Variants in PCDHGA6 observed in about 807,000 individuals in gnomAD.
PCDHGA6 encodes protocadherin gamma-A6.
PCDHGA6 carries 41 observed loss-of-function variants against 60.6 expected under a neutral mutation model. The ratio of observed to expected loss-of-function variants is 0.68; its 90% CI spans 0.53 to 0.88. The LOEUF (loss-of-function observed/expected upper bound fraction) is 0.88. Ranked by LOEUF, PCDHGA6 falls within the 40% of genes least tolerant of loss-of-function variation. The probability of loss-of-function intolerance (pLI) is 0.00; values close to 1 mark genes in which losing one functional copy is unlikely to be tolerated. For synonymous variants in PCDHGA6, 594 were observed against 524.4 expected, an observed-to-expected ratio of 1.13 and a Z score of -1.81; for missense variants, 1,312 against 1,203.0, an observed-to-expected ratio of 1.09 and a Z score of -1.34.
chr5:141,406,375 T>C (rs1427638211), intron 1 of PCDHGA6, among the ~76,000 whole-genome samples: 1 of 152,186 alleles, frequency 6.6e-6, no homozygotes, highest in Non-Finnish European at 1.5e-5. Flanking sequence ...GGTAAACTGA[T>C]AAAAAGGTAA....
At chr5:141,441,818 TG>T in intron 1 of PCDHGA6, 1 of 359,922 alleles carries the variant, frequency 2.8e-6, no homozygotes, top group Non-Finnish European at 5.5e-6. Flanking sequence ...ACCCCAGCTC[TG>T]GAGCGCAATG....
chr5:141,399,910 G>C, intron 1 of PCDHGA6: 1 of 1,612,438 alleles, frequency 6.2e-7, no homozygotes, highest in Non-Finnish European at 8.5e-7. Context: ...CGCAGACTCA[G>C]GACACAACGC....
intron 1 of PCDHGA6, among the ~76,000 whole-genome samples, chr5:141,468,952 G>GT (rs34870721): frequency 0.24 from 35,946 of 151,248 alleles, 4,442 homozygotes; most frequent in Admixed American, 0.32. Flanking sequence ...TAAACCTGTG[G>GT]TTTTTTTTAC....
At chr5:141,403,150 C>G (rs1420317278) in intron 1 of PCDHGA6, 2 of 1,614,046 alleles carry the variant, frequency 1.2e-6, no homozygotes, top group Non-Finnish European at 1.7e-6. Flanking sequence ...GAGTCCGCAT[C>G]GTCTCTAGAG....
chr5:141,419,304 G>T, intron 1 of PCDHGA6: 1 of 1,613,994 alleles, frequency 6.2e-7, no homozygotes, highest in Non-Finnish European at 8.5e-7. Context: ...CCAGACTTCG[G>T]GCTCAACGGC....
chr5:141,393,586 G>A lies in PCDHGA6; in HGVS notation c.2424+17079G>A, dbSNP rs1486061309. 2 of 1,613,922 alleles carry A rather than the reference G, an allele frequency of 1.2e-6. No individual in the cohort carries two copies. Among genetic ancestry groups the A allele is most frequent in the Admixed American group, 3.3e-5 (2 of 60,028 alleles). ...AAAGTCCTTGAGAACATGCCCCCAGGCACGCGGCTGCTTACTGTAACAGCC... is the reference window on the plus strand; with the variant it reads ...AAAGTCCTTGAGAACATGCCCCCAGACACGCGGCTGCTTACTGTAACAGCC... On this transcript the variant is annotated intron_variant, in intron 1 of 3. Transcript: ENST00000517434.
intron 1 of PCDHGA6, chr5:141,403,027 G>C: frequency 1.2e-6 from 2 of 1,614,070 alleles, no homozygotes; most frequent in Non-Finnish European, 1.7e-6. Flanking sequence ...TGCTATGGGA[G>C]GCCAGGGCCA....
intron 1 of PCDHGA6, chr5:141,423,522 G>A: frequency 6.2e-7 from 1 of 1,613,850 alleles, no homozygotes; most frequent in South Asian, 1.1e-5. Context: ...CGGACTCGCA[G>A]AAGAGTCACC....
intron 1 of PCDHGA6, chr5:141,399,866 C>G (rs1312435366): frequency 1.1e-5 from 17 of 1,612,854 alleles, no homozygotes; most frequent in Non-Finnish European, 1.4e-5. Context: ...GCTGCAGAGC[C>G]CGGCTACCTG....
chr5:141,499,689 C>CTTTTTTTT (rs545067566), intron 2 of PCDHGA6, among the ~76,000 whole-genome samples: 2 of 119,854 alleles, frequency 1.7e-5, no homozygotes, highest in Non-Finnish European at 1.7e-5. Context: ...TAACAGATGA[C>CTTTTTTTT]TTTTTTTTTT....
At chr5:141,409,464 C>T in intron 1 of PCDHGA6, 1 of 1,613,940 alleles carries the variant, frequency 6.2e-7, no homozygotes, top group East Asian at 2.2e-5. Context: ...TACAATGTCA[C>T]CATCGTAGCC....
chr5:141,423,058 A>T (rs1235938743), intron 1 of PCDHGA6: 1 of 1,614,022 alleles, frequency 6.2e-7, no homozygotes, highest in Non-Finnish European at 8.5e-7. Context: ...TCGCCTGCTT[A>T]AGGCCAGCGA....
At chr5:141,409,168 G>T in intron 1 of PCDHGA6, 1 of 1,614,032 alleles carries the variant, frequency 6.2e-7, no homozygotes, top group Non-Finnish European at 8.5e-7. Flanking sequence ...TGGAAGCGAA[G>T]GACGGAGGTG....
chr5:141,409,438 A>G (rs1459982502), intron 1 of PCDHGA6: 2 of 1,613,984 alleles, frequency 1.2e-6, no homozygotes, highest in Non-Finnish European at 1.7e-6. Flanking sequence ...CCCTGGACCG[A>G]GAGCAGACAC....
chr5:141,441,370 C>A (rs1378574921), intron 1 of PCDHGA6: 1 of 152,672 alleles, frequency 6.5e-6, no homozygotes, highest in African/African-American at 2.4e-5. Flanking sequence ...GGGCCGTGGA[C>A]CAGGAACAGA....
intron 1 of PCDHGA6, 54 bp downstream of exon 1, chr5:141,376,561 A>C (rs780141155): frequency 4.2e-5 from 67 of 1,608,210 alleles, no homozygotes; most frequent in Non-Finnish European, 5.4e-5. Context: ...CCGCAACCCA[A>C]CTAATCAGAC....
At chr5:141,405,931 C>CT (rs1439525242) in intron 1 of PCDHGA6, among the ~76,000 whole-genome samples, 2 of 152,062 alleles carry the variant, frequency 1.3e-5, no homozygotes, top group Non-Finnish European at 2.9e-5. Context: ...GCTGATATAA[C>CT]TTTCATGTTC....
At chr5:141,383,393 A>G in intron 1 of PCDHGA6, 1 of 1,613,922 alleles carries the variant, frequency 6.2e-7, no homozygotes, top group Non-Finnish European at 8.5e-7. Context: ...GTGGGCACGA[A>G]CTCCCTCCAG....
chr5:141,404,392 T>A, intron 1 of PCDHGA6: 1 of 1,613,938 alleles, frequency 6.2e-7, no homozygotes, highest in Non-Finnish European at 8.5e-7. Context: ...ATGACCCTGA[T>A]AGCAATGAGA....
Sources: allele counts gnomAD v4.1 joint callset (sites outside exome capture counted in the v4.1 genomes callset), GRCh38; gene constraint gnomAD v4.1.1; transcripts MANE v1.5; gene names NCBI Gene and HGNC (gene_info 2026-07-23, HGNC 2026-07-21).